The following DIPK2B variants were observed in gnomAD, a reference collection of about 807,000 sequenced individuals.
DIPK2B encodes the protein UPF0672 protein CXorf36.
DIPK2B carries 15 observed loss-of-function variants against 22.2 expected under a neutral mutation model. That is an observed-to-expected ratio of 0.68 (90% CI 0.45 to 1.04). DIPK2B has a LOEUF of 1.04. DIPK2B is among the 50% of genes least tolerant of loss of function. DIPK2B has a pLI of 0.00. For missense variants in DIPK2B, 345 were observed against 348.3 expected, an observed-to-expected ratio of 0.99 and a Z score of 0.08; for synonymous variants, 163 against 153.2, an observed-to-expected ratio of 1.06 and a Z score of -0.47.
intron 2 of DIPK2B, among the ~76,000 whole-genome samples, chrX:45,158,393 C>T (rs995087285): frequency 9.0e-6 from 1 of 111,127 alleles, no homozygotes; most frequent in African/African-American, 3.3e-5. Flanking sequence ...CCCACCCTGC[C>T]CTTGGAAAGA....
intron 4 of DIPK2B, among the ~76,000 whole-genome samples, chrX:45,153,471 G>GTT (rs1307786990): frequency 4.0e-5 from 3 of 74,582 alleles, no homozygotes; most frequent in African/African-American, 1.5e-4. Context: ...GGACCCAAAA[G>GTT]TTTTGTGTGT....
intron 3 of DIPK2B, 79 bp from the exon 4 acceptor site, chrX:45,154,277 CCCTA>C (rs1471073144): frequency 2.8e-5 from 20 of 718,958 alleles, no homozygotes; most frequent in Admixed American, 1.7e-4. Flanking sequence ...CTATCTATCT[CCCTA>C]TCTATCTATC....
Position 45,191,922 on chromosome X carries a change from G to A in DIPK2B, c.327C>T (p.Arg109=). The change falls in exon 2 of 5, where the codon CGC becomes CGT. Residue 109 remains arginine, a synonymous_variant. Transcript: ENST00000398000. ...TGACCAGTCTAAAGATCTCCACAGG[G>A]CGCCAGATTTTGGAATCATCTGAGT... is the stretch of plus-strand genomic sequence containing the variant. The part of the protein sequence containing the change: ...ANYSDDSKIW[R]PVEIFRLVSK... 1.7e-6 allele frequency: 2 copies of A among 1,211,984 alleles called. No homozygotes were observed. The highest frequency in any genetic ancestry group is 2.2e-6 in the Non-Finnish European group (2 of 895,542).
intron 1 of DIPK2B, among the ~76,000 whole-genome samples, chrX:45,198,501 G>A (rs954747483): frequency 3.6e-5 from 4 of 110,609 alleles, no homozygotes; most frequent in Non-Finnish European, 7.6e-5. Context: ...TCCCTTTCAC[G>A]GGCACATGGA....
intron 3 of DIPK2B, among the ~76,000 whole-genome samples, chrX:45,155,681 G>T (rs1367093268): frequency 1.8e-5 from 2 of 109,458 alleles, no homozygotes; most frequent in African/African-American, 6.6e-5. Context: ...GAAGCATGAA[G>T]CCCCGACCTG....
intron 2 of DIPK2B, among the ~76,000 whole-genome samples, chrX:45,178,433 G>T (rs1242658729): frequency 9.0e-6 from 1 of 111,073 alleles, no homozygotes; most frequent in African/African-American, 3.3e-5. Flanking sequence ...TTACCCTTCT[G>T]CTGTAAATAG....
chrX:45,186,237 G>C (rs953082086), intron 2 of DIPK2B, among the ~76,000 whole-genome samples: 2 of 111,785 alleles, frequency 1.8e-5, no homozygotes, highest in Non-Finnish European at 3.8e-5. Flanking sequence ...AATGGGCTGA[G>C]AGGGGACTTA....
intron 3 of DIPK2B, among the ~76,000 whole-genome samples, chrX:45,156,133 T>C (rs1358635909): frequency 9.9e-6 from 1 of 100,866 alleles, no homozygotes; most frequent in Non-Finnish European, 2.0e-5. Context: ...TGCCTGGCTA[T>C]TTTTTTTTTG....
chrX:45,173,906 T>G (rs2047101761), intron 2 of DIPK2B, among the ~76,000 whole-genome samples: 1 of 111,239 alleles, frequency 9.0e-6, no homozygotes, highest in African/African-American at 3.3e-5. Flanking sequence ...CAACCCCTAT[T>G]TCCCCCTCTT....
intron 2 of DIPK2B, among the ~76,000 whole-genome samples, chrX:45,178,109 T>C (rs1280626807): frequency 1.8e-5 from 2 of 111,593 alleles, no homozygotes; most frequent in Admixed American, 1.9e-4. Flanking sequence ...GTTATTTAAG[T>C]CAGACTCTCC....
Position 45,150,207 on chromosome X carries a change from C to T in DIPK2B, c.*1445G>A, listed in dbSNP as rs1469349611. On this transcript the variant is annotated 3_prime_UTR_variant, in exon 5 of 5. Coordinates refer to ENST00000398000, the MANE Select transcript of DIPK2B (RefSeq NM_176819.4). ...TGTTCTGACTTTAAAGGTAGGGATT[C>T]AGAGGCAGAAAAGAGGAGGTAGACT... 9.0e-6 allele frequency: 1 copy of T among 111,267 alleles called. No homozygotes were observed. Among genetic ancestry groups the T allele is most frequent in the African/African-American group, 3.3e-5 (1 of 30,522 alleles). The allele number at this position is 111,267 out of a possible 1,213,427, so 9.2% of individuals were successfully genotyped here. A position where few individuals can be genotyped will look rare whatever the true frequency, so the allele number is the denominator to read the frequency against.
rs776800924 is a variant in DIPK2B, at chrX:45,157,801, T to C, written c.586A>G (p.Ser196Gly). Residue 196 changes from serine to glycine, a missense_variant, in exon 3 of 5, where the codon AGC becomes GGC. Transcript: ENST00000398000. ...RRYAEVADAG[S>G]IFMDHFTDRD... is the part of the protein sequence containing the mutation. ...TCGGTGAAGTGGTCCATGAAGATGC[T>C]GCCGGCGTCGGCCACCTCTGCATAG... The C allele has an allele frequency of 8.4e-7, 1 of 1,184,528 alleles. No individual in the cohort carries two copies. Among genetic ancestry groups the C allele is most frequent in the Non-Finnish European group, 1.1e-6 (1 of 882,644 alleles).
At chrX:45,184,389 A>G (rs963323446) in intron 2 of DIPK2B, among the ~76,000 whole-genome samples, 1 of 112,098 alleles carries the variant, frequency 8.9e-6, no homozygotes, top group Non-Finnish European at 1.9e-5. Context: ...GAAAGGATGC[A>G]AATATGTTAG....
In DIPK2B at chrX:45,191,905, C is replaced by G; in HGVS notation, c.344G>C (p.Arg115Thr). 1 of 1,211,776 alleles carries G rather than the reference C, an allele frequency of 8.3e-7. No individual in the cohort carries two copies. Among genetic ancestry groups the G allele is most frequent in the African/African-American group, 1.7e-5 (1 of 57,744 alleles). ...CTCGTTTTGATATTTGCTGACCAGT[C>G]TAAAGATCTCCACAGGGCGCCAGAT... The part of the protein sequence containing the change: ...SKIWRPVEIF[R>T]LVSKYQNEIS... The change falls in exon 2 of 5, where the codon AGA (arginine) becomes ACA (threonine). Residue 115 changes from arginine (R) to threonine (T), a missense_variant. Physicochemically the swap from Arg to Thr is moderately conservative, Grantham distance 71. Coordinates refer to ENST00000398000, the MANE Select transcript of DIPK2B (RefSeq NM_176819.4).
At chrX:45,200,442 C>T in intron 1 of DIPK2B, 152 bp downstream of exon 1, 3 of 555,655 alleles carry the variant, frequency 5.4e-6, no homozygotes, top group South Asian at 6.4e-5. Context: ...TCTTACCCAC[C>T]CCAACTTCAG....
At chrX:45,177,733 G>A (rs1234843975) in intron 2 of DIPK2B, among the ~76,000 whole-genome samples, 1 of 111,137 alleles carries the variant, frequency 9.0e-6, no homozygotes. Flanking sequence ...TAATGCCTAA[G>A]ATAAGCCAGT....
At chrX:45,184,560 C>T (rs978365386) in intron 2 of DIPK2B, among the ~76,000 whole-genome samples, 15 of 111,886 alleles carry the variant, frequency 1.3e-4, no homozygotes, top group Admixed American at 1.9e-4. Flanking sequence ...TTATTCCCTG[C>T]TTAACCCACA....
chrX:45,195,550 C>T (rs2047235309), intron 1 of DIPK2B, among the ~76,000 whole-genome samples: 1 of 112,118 alleles, frequency 8.9e-6, no homozygotes, highest in African/African-American at 3.2e-5. Context: ...TCTTCTTCAT[C>T]CCATAGCTCT....
chrX:45,154,076 G>A lies in DIPK2B; in HGVS notation c.795C>T (p.Ala265=), dbSNP rs1028182481. The A allele has an allele frequency of 8.3e-6, 10 of 1,208,946 alleles. No homozygotes were observed. Among genetic ancestry groups the A allele is most frequent in the African/African-American group, 5.3e-5 (3 of 56,794 alleles). The change falls in exon 4 of 5, where the codon GCC becomes GCT. Residue 265 remains alanine, a synonymous_variant. Coordinates refer to ENST00000398000, the MANE Select transcript of DIPK2B (RefSeq NM_176819.4). Reference sequence around the variant, plus strand: ...CACCCAGGAGCTGGTAGGCAAGGTCGGCTGCCTGATCTGGGGGTGCATCAT... The same window carrying A: ...CACCCAGGAGCTGGTAGGCAAGGTCAGCTGCCTGATCTGGGGGTGCATCAT... ...EFYDAPPDQA[A]DLAYQLLGVL...
Sources: allele counts gnomAD v4.1 joint callset (sites outside exome capture counted in the v4.1 genomes callset), GRCh38; gene constraint gnomAD v4.1.1; transcripts MANE v1.5; gene names NCBI Gene and HGNC (gene_info 2026-07-23, HGNC 2026-07-21).